PLCB1: variants seen among roughly 807,000 people sequenced by gnomAD.
PLCB1 encodes the protein phospholipase C beta 1.
A neutral mutation model predicts 161.8 loss-of-function variants in PLCB1; 46 were observed. The ratio of observed to expected loss-of-function variants is 0.28; its 90% CI spans 0.22 to 0.36. The LOEUF (loss-of-function observed/expected upper bound fraction) is 0.36. Ranked by LOEUF, PLCB1 falls within the 10% of genes least tolerant of loss-of-function variation. PLCB1 has a pLI of 1.00. For missense variants in PLCB1, 1,016 were observed against 1,472.5 expected (o/e 0.69, Z 5.07); for synonymous variants, 517 against 503.7 (o/e 1.03, Z -0.35).
intron 2 of PLCB1, among the ~76,000 whole-genome samples, chr20:8,308,124 A>G (rs1028471771): frequency 6.6e-6 from 1 of 152,024 alleles, no homozygotes; most frequent in Non-Finnish European, 1.5e-5. Flanking sequence ...CCTGGTAAGG[A>G]GACAGTTTTT....
chr20:8,155,467 A>G (rs2051549396), intron 2 of PLCB1, among the ~76,000 whole-genome samples: 1 of 152,204 alleles, frequency 6.6e-6, no homozygotes. Flanking sequence ...ACAGAGTTCA[A>G]AAGCAAAGTT....
intron 25 of PLCB1, among the ~76,000 whole-genome samples, chr20:8,763,027 G>A (rs149907028): frequency 1.7e-4 from 26 of 152,238 alleles, no homozygotes; most frequent in African/African-American, 6.3e-4. Context: ...TAATTCACTG[G>A]AGTTAAGATA....
intron 11 of PLCB1, among the ~76,000 whole-genome samples, chr20:8,699,786 G>A (rs373800659): frequency 6.6e-6 from 1 of 152,270 alleles, no homozygotes; most frequent in South Asian, 2.1e-4. Flanking sequence ...TAAGGAATAC[G>A]ACTTTTCATT....
At chr20:8,394,028 T>G (rs1300403533) in intron 3 of PLCB1, among the ~76,000 whole-genome samples, 1 of 152,166 alleles carries the variant, frequency 6.6e-6, no homozygotes, top group African/African-American at 2.4e-5. Flanking sequence ...ATTTGCATTC[T>G]TCCCACCTAA....
intron 2 of PLCB1, among the ~76,000 whole-genome samples, chr20:8,214,799 G>T (rs1400506308): frequency 1.3e-5 from 2 of 151,946 alleles, no homozygotes; most frequent in Non-Finnish European, 2.9e-5. Context: ...TAGTTTTGGG[G>T]GTGTGTGCTA....
chr20:8,278,154 C>G (rs1376913579), intron 2 of PLCB1, among the ~76,000 whole-genome samples: 1 of 146,774 alleles, frequency 6.8e-6, no homozygotes, highest in African/African-American at 2.5e-5. Flanking sequence ...TCCCCTTATA[C>G]TGATTGGTTA....
At chr20:8,487,031 A>G (rs1982759831) in intron 3 of PLCB1, among the ~76,000 whole-genome samples, 1 of 152,252 alleles carries the variant, frequency 6.6e-6, no homozygotes, top group Non-Finnish European at 1.5e-5. Context: ...ATTTTGACAG[A>G]AAAGTGAATG....
intron 31 of PLCB1, among the ~76,000 whole-genome samples, chr20:8,844,617 T>G (rs571643129): frequency 6.6e-6 from 1 of 152,078 alleles, no homozygotes; most frequent in Non-Finnish European, 1.5e-5. Context: ...TGTGGTGCCC[T>G]CTTCTTTCCT....
At chr20:8,368,440 T>C (rs370909094) in intron 2 of PLCB1, among the ~76,000 whole-genome samples, 7 of 144,102 alleles carry the variant, frequency 4.9e-5, no homozygotes, top group African/African-American at 1.8e-4. Flanking sequence ...GGCACGAGAA[T>C]CACTTGAACC....
chr20:8,548,313 C>T, intron 3 of PLCB1, among the ~76,000 whole-genome samples: 1 of 143,266 alleles, frequency 7.0e-6, no homozygotes. Flanking sequence ...CGTCTTCCTT[C>T]CTTCCATCAT....
chr20:8,410,620 C>T (rs561378555), intron 3 of PLCB1, among the ~76,000 whole-genome samples: 2 of 152,162 alleles, frequency 1.3e-5, no homozygotes, highest in African/African-American at 4.8e-5. Flanking sequence ...GCCCATGCAA[C>T]CTGCTTTTTT....
intron 3 of PLCB1, among the ~76,000 whole-genome samples, chr20:8,475,786 T>C (rs1982251209): frequency 6.6e-6 from 1 of 152,226 alleles, no homozygotes; most frequent in Non-Finnish European, 1.5e-5. Flanking sequence ...CAATGCAAGG[T>C]AGAAAGTGAT....
intron 2 of PLCB1, among the ~76,000 whole-genome samples, chr20:8,217,860 G>A (rs1327573867): frequency 6.6e-6 from 1 of 152,050 alleles, no homozygotes; most frequent in Non-Finnish European, 1.5e-5. Flanking sequence ...TTACTCTCTT[G>A]TTCTTGCTCC....
chr20:8,558,975 G>A (rs577234103), intron 3 of PLCB1, among the ~76,000 whole-genome samples: 2 of 151,944 alleles, frequency 1.3e-5, no homozygotes, highest in South Asian at 2.1e-4. Context: ...CAGCAAACTC[G>A]ATAGTAACTT....
intron 3 of PLCB1, among the ~76,000 whole-genome samples, chr20:8,616,076 C>A (rs1013634022): frequency 2.0e-5 from 3 of 152,178 alleles, no homozygotes; most frequent in African/African-American, 7.2e-5. Flanking sequence ...AATCCAACAT[C>A]AAGTCAAGCT....
At chr20:8,367,216 C>G (rs924388185) in intron 2 of PLCB1, among the ~76,000 whole-genome samples, 4 of 152,094 alleles carry the variant, frequency 2.6e-5, no homozygotes, top group Non-Finnish European at 5.9e-5. Context: ...GTTATAGATT[C>G]TTCATATTAA....
chr20:8,525,366 G>C (rs6118231), intron 3 of PLCB1, among the ~76,000 whole-genome samples: 3 of 152,102 alleles, frequency 2.0e-5, no homozygotes, highest in African/African-American at 7.2e-5. Context: ...GCATTTTCAA[G>C]GTTTGCATTT....
At chr20:8,594,938 T>A (rs1600177608) in intron 3 of PLCB1, among the ~76,000 whole-genome samples, 2 of 152,316 alleles carry the variant, frequency 1.3e-5, no homozygotes, top group Middle Eastern at 3.4e-3. Context: ...TGAATTGTTT[T>A]TAAATTTTGC....
At chr20:8,186,168 TTTTGGGTTATCTTTTAATG>T (rs1465374676) in intron 2 of PLCB1, among the ~76,000 whole-genome samples, 15 of 152,290 alleles carry the variant, frequency 9.8e-5, no homozygotes, top group African/African-American at 3.1e-4. Context: ...TTGGATTTCT[TTTTGGGTTATCTTTTAATG>T]TTGCATTATT....
Sources: allele counts gnomAD v4.1 joint callset (sites outside exome capture counted in the v4.1 genomes callset), GRCh38; gene constraint gnomAD v4.1.1; transcripts MANE v1.5; gene names NCBI Gene and HGNC (gene_info 2026-07-23, HGNC 2026-07-21).